ALDH1B1: variants seen among roughly 807,000 people sequenced by gnomAD.
The protein encoded by ALDH1B1 is aldehyde dehydrogenase 1 family member B1.
In ALDH1B1, 19 loss-of-function variants were observed where a neutral mutation model predicts 26.2. The observed-to-expected ratio is 0.72, with a 90% CI of 0.51 to 1.06. The LOEUF (loss-of-function observed/expected upper bound fraction) is 1.06, where lower values mean the gene tolerates loss of function less well. Ranked by LOEUF, ALDH1B1 falls within the 50% of genes least tolerant of loss-of-function variation. ALDH1B1 has a pLI of 0.00. For synonymous variants in ALDH1B1, 249 were observed against 286.0 expected (o/e 0.87, Z 1.31); for missense variants, 671 against 683.1 (o/e 0.98, Z 0.20).
At chr9:38,394,545 G>T (rs1368408992) in intron 1 of ALDH1B1, 49 of 973,084 alleles carry the variant, frequency 5.0e-5, no homozygotes, top group Non-Finnish European at 5.9e-5. Context: ...TTCCACTTCG[G>T]CCTACCAAAG....
Position 38,396,916 on chromosome 9 carries a change from C to G in ALDH1B1, c.1168C>G (p.Arg390Gly). The change falls in exon 2 of 2, where the codon CGT (arginine) becomes GGT (glycine). Residue 390 changes from arginine to glycine, a missense_variant. By Grantham distance (125) the Arg-to-Gly change is moderately radical. Coordinates refer to ENST00000377698, the MANE Select transcript of ALDH1B1 (RefSeq NM_000692.5). ...CGCAAAACTCCTCTGTGGCGGAGAG[C>G]GTTTCGGGGAGCGTGGTTTCTTCAT... Reference protein sequence around the residue: ...EGAKLLCGGERFGERGFFIKP... With the variant: ...EGAKLLCGGEGFGERGFFIKP... 2 of 1,614,138 alleles carry G rather than the reference C, an allele frequency of 1.2e-6. No individual in the cohort carries two copies. The highest frequency in any genetic ancestry group is 1.3e-5 in the African/African-American group (1 of 75,028).
chr9:38,395,901 G>A lies in ALDH1B1; in HGVS notation c.153G>A (p.Lys51=), dbSNP rs1468020024. 6.2e-7 allele frequency: 1 copy of A among 1,613,794 alleles called. No homozygotes were observed. Among genetic ancestry groups the A allele is most frequent in the Non-Finnish European group, 8.5e-7 (1 of 1,180,042 alleles). Residue 51 remains lysine (K), a synonymous_variant, in exon 2 of 2, where the codon AAG becomes AAA. Transcript: ENST00000377698. ...INNEWQDAVS[K]KTFPTVNPTT... ...ATGAATGGCAAGATGCAGTCAGCAA[G>A]AAGACCTTCCCGACGGTCAACCCTA...
Position 38,398,320 on chromosome 9 carries a change from T to TC in ALDH1B1, c.*1018_*1019insC, listed in dbSNP as rs974989650. On this transcript the variant is annotated 3_prime_UTR_variant, in exon 2 of 2. Transcript: ENST00000377698. Reference sequence around the variant, plus strand: ...TTAATTTCTTTCTTTTTTTCTTTTTTTTTTTTTTTTTTGACACGGAGTCTC... The same window carrying TC: ...TTAATTTCTTTCTTTTTTTCTTTTTTCTTTTTTTTTTTTGACACGGAGTCTC... 1.2e-5 allele frequency: 2 copies of TC among 160,408 alleles called. No homozygotes were observed. The highest frequency in any genetic ancestry group is 4.9e-5 in the African/African-American group (2 of 40,658). 9.9% of individuals were successfully genotyped at this position (160,408 alleles called of 1,614,324 possible). A position where few individuals can be genotyped will look rare whatever the true frequency, so the allele number is the denominator to read the frequency against.
Position 38,393,816 on chromosome 9 carries a change from T to TCCCC in ALDH1B1, c.-10+1013_-10+1016dup, listed in dbSNP as rs11448898. On this transcript the variant is annotated intron_variant, in intron 1 of 1. Coordinates refer to ENST00000377698, the MANE Select transcript of ALDH1B1 (RefSeq NM_000692.5). ...ATCTTTTATTCTTTAATTCTTAGTA[T>TCCCC]CCCCCCCTTTTTTTTTTTCATTTTT... is the stretch of plus-strand genomic sequence containing the variant. 4.3e-5 allele frequency among the ~76,000 whole-genome samples: 6 copies of TCCCC among 139,800 alleles called. No individual in the cohort carries two copies. The South Asian group carries it at 1.2e-3, about 28-fold the overall frequency. 91.7% of individuals were successfully genotyped at this position (139,800 alleles called of 152,430 possible).
In ALDH1B1 at chr9:38,397,465, T is replaced by A; in HGVS notation, c.*163T>A. Reference sequence around the variant, plus strand: ...GCAATTCAATCAAGGCTGTTCTATTTAAATCAGAGATGGGGACCAGGCTCA... The same window carrying A: ...GCAATTCAATCAAGGCTGTTCTATTAAAATCAGAGATGGGGACCAGGCTCA... On this transcript the variant is annotated 3_prime_UTR_variant, in exon 2 of 2. Coordinates refer to ENST00000377698, the MANE Select transcript of ALDH1B1 (RefSeq NM_000692.5). 1 of 1,071,676 alleles carries A rather than the reference T, an allele frequency of 9.3e-7. No homozygotes were observed. The highest frequency in any genetic ancestry group is 1.6e-5 in the African/African-American group (1 of 62,502). The allele number at this position is 1,071,676 out of a possible 1,614,324, so 66.4% of individuals were successfully genotyped here.
chr9:38,396,254 G>A lies in ALDH1B1; in HGVS notation c.506G>A (p.Cys169Tyr), dbSNP rs750698030. ...KTIPMDGQHF[C>Y]FTRHEPVGVC... ...ATCCCCATGGATGGCCAGCATTTCT[G>A]CTTCACCCGGCATGAGCCCGTTGGT... Residue 169 changes from cysteine to tyrosine, a missense_variant, in exon 2 of 2, where the codon TGC becomes TAC. Physicochemically the swap from Cys to Tyr is radical, Grantham distance 194 (BLOSUM62 -2). Transcript: ENST00000377698. The A allele has an allele frequency of 9.7e-5, 156 of 1,614,086 alleles. No individual in the cohort carries two copies. The East Asian group carries it at 3.4e-3, about 35-fold the overall frequency.
chr9:38,396,956 T>C lies in ALDH1B1; in HGVS notation c.1208T>C (p.Phe403Ser). 6.2e-7 allele frequency: 1 copy of C among 1,614,122 alleles called. No homozygotes were observed. The change falls in exon 2 of 2, where the codon TTT becomes TCT. Residue 403 changes from phenylalanine to serine, a missense_variant. Transcript: ENST00000377698. Reference protein sequence around the residue: ...ERGFFIKPTVFGGVQDDMRIA... With the variant: ...ERGFFIKPTVSGGVQDDMRIA... Reference sequence around the variant, plus strand: ...GGTTTCTTCATCAAGCCTACTGTCTTTGGTGGCGTGCAGGATGACATGAGA... The same window carrying C: ...GGTTTCTTCATCAAGCCTACTGTCTCTGGTGGCGTGCAGGATGACATGAGA...
intron 1 of ALDH1B1, among the ~76,000 whole-genome samples, chr9:38,394,905 A>T (rs182284820): frequency 1.3e-5 from 2 of 152,332 alleles, no homozygotes; most frequent in East Asian, 3.9e-4. Flanking sequence ...TCAGAGTTGT[A>T]GCTTTTCTTC....
At chr9:38,394,092 C>T (rs1303483720) in intron 1 of ALDH1B1, among the ~76,000 whole-genome samples, 3 of 152,170 alleles carry the variant, frequency 2.0e-5, no homozygotes, top group African/African-American at 7.2e-5. Flanking sequence ...AGGGGCAGGA[C>T]TTGCATCAGG....
At chr9:38,394,934 G>T (rs1821249924) in intron 1 of ALDH1B1, among the ~76,000 whole-genome samples, 1 of 152,180 alleles carries the variant, frequency 6.6e-6, no homozygotes, top group African/African-American at 2.4e-5. Context: ...CTCCTGACTT[G>T]CTGCACCTCT....
rs141058702 is a variant in ALDH1B1 at position 38,394,022 on chromosome 9, T to G, written c.-10+1215T>G. ...CTCTATCTAAAATAAATCAAATGTTTAGCCAACCGGGATTAGTTTAGATTG... is the reference window on the plus strand; with the variant it reads ...CTCTATCTAAAATAAATCAAATGTTGAGCCAACCGGGATTAGTTTAGATTG... On this transcript the variant is annotated intron_variant, in intron 1 of 1. Coordinates refer to ENST00000377698, the MANE Select transcript of ALDH1B1 (RefSeq NM_000692.5). Among the ~76,000 whole-genome samples, 91 of 152,280 alleles carry G rather than the reference T, an allele frequency of 6.0e-4. No homozygotes were observed. The East Asian group carries it at 9.7e-3, about 16-fold the overall frequency.
chr9:38,397,901 A>C lies in ALDH1B1; in HGVS notation c.*599A>C, dbSNP rs2118265249. 1.2e-5 allele frequency: 2 copies of C among 167,318 alleles called. No individual in the cohort carries two copies. The highest frequency in any genetic ancestry group is 3.9e-4 in the East Asian group (2 of 5,192). 10.4% of individuals were successfully genotyped at this position (167,318 alleles called of 1,614,324 possible). A position where few individuals can be genotyped will look rare whatever the true frequency, so the allele number is the denominator to read the frequency against. On this transcript the variant is annotated 3_prime_UTR_variant, in exon 2 of 2. Coordinates refer to ENST00000377698, the MANE Select transcript of ALDH1B1 (RefSeq NM_000692.5). ...ATGATTACACCTGTAAAGTAAGCCC[A>C]AACATCCCAAATGTCCGTCAACTGA...
Position 38,396,745 on chromosome 9 carries a change from A to C in ALDH1B1, c.997A>C (p.Asn333His). Reference sequence around the variant, plus strand: ...GACCTTCGTGGAAGAATCCATCTACAATGAGTTTCTCGAGAGAACCGTGGA... The same window carrying C: ...GACCTTCGTGGAAGAATCCATCTACCATGAGTTTCTCGAGAGAACCGTGGA... ...SRTFVEESIY[N>H]EFLERTVEKA... The change falls in exon 2 of 2, where the codon AAT becomes CAT. Residue 333 changes from asparagine (N) to histidine (H), a missense_variant. Transcript: ENST00000377698. The C allele has an allele frequency of 6.2e-7, 1 of 1,614,154 alleles. No homozygotes were observed. The highest frequency in any genetic ancestry group is 8.5e-7 in the Non-Finnish European group (1 of 1,180,020).
chr9:38,395,204 A>G (rs1428100431), intron 1 of ALDH1B1, among the ~76,000 whole-genome samples: 1 of 152,212 alleles, frequency 6.6e-6, no homozygotes, highest in Admixed American at 6.5e-5. Flanking sequence ...CAATTCTTAG[A>G]CAGCCTTTGT....
At position 38,396,691 on chromosome 9, in the gene ALDH1B1, A is replaced by G. The variant is rs368716066; in HGVS notation, c.943A>G (p.Met315Val). The G allele has an allele frequency of 7.4e-6, 12 of 1,614,064 alleles. No homozygotes were observed. Among genetic ancestry groups the G allele is most frequent in the Non-Finnish European group, 1.0e-5 (12 of 1,180,034 alleles). The stretch of plus-strand genomic sequence containing the variant: ...GTGCCACGAAGCCCTGTTCTTCAAC[A>G]TGGGCCAGTGCTGCTGTGCTGGCTC... The part of the protein sequence containing the change: ...EQCHEALFFN[M>V]GQCCCAGSRT... Residue 315 changes from methionine to valine, a missense_variant, in exon 2 of 2, where the codon ATG (methionine) becomes GTG (valine). Met to Val is a conservative substitution (Grantham distance 21). Coordinates refer to ENST00000377698, the MANE Select transcript of ALDH1B1 (RefSeq NM_000692.5).
rs544033194 is a variant in ALDH1B1, at chr9:38,398,314, C to CT, written c.*1030dup. ...TATGAATTAATTTCTTTCTTTTTTT[C>CT]TTTTTTTTTTTTTTTTTTGACACGG... On this transcript the variant is annotated 3_prime_UTR_variant, in exon 2 of 2. Transcript: ENST00000377698. The CT allele has an allele frequency of 0.18, 24,289 of 135,202 alleles. 3,172 individuals carry two copies. The highest frequency in any genetic ancestry group is 0.51 in the East Asian group (2,286 of 4,506). 8.4% of individuals were successfully genotyped at this position (135,202 alleles called of 1,614,324 possible).
At chr9:38,393,325 C>G (rs1300246181) in intron 1 of ALDH1B1, among the ~76,000 whole-genome samples, 1 of 152,212 alleles carries the variant, frequency 6.6e-6, no homozygotes, top group Non-Finnish European at 1.5e-5. Flanking sequence ...TGATGCCCAG[C>G]CTTCTTCCAG....
In ALDH1B1 at chr9:38,396,052, G is replaced by A; in HGVS notation, c.304G>A (p.Gly102Ser). 1.2e-6 allele frequency: 2 copies of A among 1,613,994 alleles called. No homozygotes were observed. The highest frequency in any genetic ancestry group is 1.6e-4 in the Middle Eastern group (1 of 6,062). Residue 102 changes from glycine to serine, a missense_variant, in exon 2 of 2, where the codon GGC (glycine) becomes AGC (serine). Coordinates refer to ENST00000377698, the MANE Select transcript of ALDH1B1 (RefSeq NM_000692.5). ...GCGCCGGATGGATGCCTCTGAGCGG[G>A]GCCGGCTGCTGAACCGCCTGGCAGA... Reference protein sequence around the residue: ...PWRRMDASERGRLLNRLADLV... With the variant: ...PWRRMDASERSRLLNRLADLV...
At chr9:38,394,550 C>G (rs1821242638) in intron 1 of ALDH1B1, 1 of 979,894 alleles carries the variant, frequency 1.0e-6, no homozygotes, top group Non-Finnish European at 1.2e-6. Flanking sequence ...CTTCGGCCTA[C>G]CAAAGCGTTA....
Sources: allele counts gnomAD v4.1 joint callset (sites outside exome capture counted in the v4.1 genomes callset), GRCh38; gene constraint gnomAD v4.1.1; transcripts MANE v1.5; gene names NCBI Gene and HGNC (gene_info 2026-07-23, HGNC 2026-07-21).